The following TACC2 variants were observed in gnomAD, a reference collection of about 807,000 sequenced individuals.
TACC2 encodes transforming acidic coiled-coil-containing protein 2.
TACC2 carries 137 observed loss-of-function variants against 227.3 expected under a neutral mutation model. That is an observed-to-expected ratio of 0.60 (90% CI 0.52 to 0.69). The LOEUF is 0.69. TACC2 is among the 30% of genes least tolerant of loss of function. The pLI is 0.00. For missense variants in TACC2, 3,470 were observed against 3,694.4 expected (o/e 0.94, Z 1.57); for synonymous variants, 1,523 against 1,487.5 (o/e 1.02, Z -0.55).
chr10:122,021,242 C>CG lies in TACC2; in HGVS notation c.-45-688dup, dbSNP rs201350055. Among the ~76,000 whole-genome samples, 49 of 148,546 alleles carry CG rather than the reference C, an allele frequency of 3.3e-4. No individual in the cohort carries two copies. The East Asian group carries it at 7.6e-3, about 23-fold the overall frequency. On this transcript the variant is annotated intron_variant, in intron 1 of 22. Transcript: ENST00000369005. ...AGACTCCATCTCGAAAAAAAAAAGG[C>CG]GGGGGGGAAGAAAGATCATTAATAA...
At position 122,219,148 on chromosome 10, in the gene TACC2, C is replaced by G. The variant is rs375014294; in HGVS notation, c.7546+2320C>G. Among the ~76,000 whole-genome samples, 6 of 152,212 alleles carry G rather than the reference C, an allele frequency of 3.9e-5. No homozygotes were observed. The South Asian group carries it at 8.3e-4, about 21-fold the overall frequency. On this transcript the variant is annotated intron_variant, in intron 11 of 22. Transcript: ENST00000369005. ...TGCATCCGAGGCAGGAGCCTGTTCC[C>G]GGAACACCCCTCACTCAGCTGCCTC... is the stretch of plus-strand genomic sequence containing the variant.
At chr10:122,064,025 G>C (rs11200374) in intron 3 of TACC2, among the ~76,000 whole-genome samples, 14,382 of 151,912 alleles carry the variant, frequency 0.095, 885 homozygotes, top group Admixed American at 0.19. Context: ...AGCCGGGCGC[G>C]GTGGTGTATG....
chr10:122,231,453 C>G (rs1285968438), intron 16 of TACC2, among the ~76,000 whole-genome samples: 1 of 152,216 alleles, frequency 6.6e-6, no homozygotes, highest in Non-Finnish European at 1.5e-5. Flanking sequence ...GTGAGGATGA[C>G]AGATGTCTGG....
chr10:122,113,999 C>T (rs1028290568), intron 5 of TACC2, among the ~76,000 whole-genome samples: 1 of 152,260 alleles, frequency 6.6e-6, no homozygotes, highest in South Asian at 2.1e-4. Context: ...ATGGCTTCAT[C>T]ATCATCACTG....
rs748484837 is a variant in TACC2 at position 122,229,493 on chromosome 10, A to G, written c.8037+7A>G. 1.2e-6 allele frequency: 2 copies of G among 1,614,046 alleles called. No homozygotes were observed. Among genetic ancestry groups the G allele is most frequent in the East Asian group, 4.5e-5 (2 of 44,854 alleles). ...ATTCGCTCAGAAACTCCAGGTTTGT[A>G]GCCCACGTGTGACCTTTTGGGAGTT... On this transcript the variant is annotated splice_region_variant and intron_variant, in intron 15 of 22. Coordinates refer to ENST00000369005, the MANE Select transcript of TACC2 (RefSeq NM_206862.4).
intron 14 of TACC2, 56 bp from the exon 15 acceptor site, chr10:122,229,290 T>A (rs909130676): frequency 1.5e-4 from 246 of 1,603,308 alleles, no homozygotes; most frequent in Non-Finnish European, 2.0e-4. Context: ...GGAATCAATA[T>A]CACTCTCTGT....
Position 122,130,696 on chromosome 10 carries a change from A to G in TACC2, c.5574-1913A>G, listed in dbSNP as rs572394363. 1.2e-4 allele frequency among the ~76,000 whole-genome samples: 18 copies of G among 152,264 alleles called. No homozygotes were observed. The South Asian group carries it at 1.9e-3, about 16-fold the overall frequency. On this transcript the variant is annotated intron_variant, in intron 5 of 22. Coordinates refer to ENST00000369005, the MANE Select transcript of TACC2 (RefSeq NM_206862.4). ...GGTTCTGCCACTTAGCTGCTGTTCA[A>G]CCTTCGACAAGCTGCTCAGCCTCTC...
intron 5 of TACC2, among the ~76,000 whole-genome samples, chr10:122,115,211 G>A (rs1454796207): frequency 6.6e-6 from 1 of 152,224 alleles, no homozygotes; most frequent in Admixed American, 6.5e-5. Flanking sequence ...CAGAGCCTGG[G>A]AGGTAGATGG....
Position 122,226,451 on chromosome 10 carries a change from G to T in TACC2, c.7694G>T (p.Arg2565Leu), listed in dbSNP as rs115880388. The T allele has an allele frequency of 5.6e-6, 9 of 1,613,710 alleles. No individual in the cohort carries two copies. Among genetic ancestry groups the T allele is most frequent in the Admixed American group, 5.0e-5 (3 of 59,974 alleles). ...AGCCCTGTCAAGTCATCTCCCGTCCGCATGTCAGAGTCCCCGACGCCGTGT... is the reference window on the plus strand; with the variant it reads ...AGCCCTGTCAAGTCATCTCCCGTCCTCATGTCAGAGTCCCCGACGCCGTGT... ...QESPVKSSPV[R>L]MSESPTPCSG... Residue 2565 changes from arginine (R) to leucine (L), a missense_variant, in exon 13 of 23, where the codon CGC becomes CTC. Arg to Leu is a moderately radical substitution (Grantham distance 102, BLOSUM62 -2). Coordinates refer to ENST00000369005, the MANE Select transcript of TACC2 (RefSeq NM_206862.4).
intron 5 of TACC2, among the ~76,000 whole-genome samples, chr10:122,126,526 T>C (rs2086911576): frequency 6.6e-6 from 1 of 152,150 alleles, no homozygotes; most frequent in Non-Finnish European, 1.5e-5. Flanking sequence ...AGCCCTGCCC[T>C]GAGGGATCTC....
chr10:122,085,742 C>T lies in TACC2; in HGVS notation c.3242C>T (p.Ala1081Val). ...TPTQDAPETE[A>V]CDETQEGRQQ... ...ACCCAGGATGCCCCAGAGACAGAGG[C>T]ATGTGATGAAACCCAGGAAGGCAGG... Residue 1081 changes from alanine to valine, a missense_variant, in exon 4 of 23, where the codon GCA (alanine) becomes GTA (valine). Ala to Val is a moderately conservative substitution (Grantham distance 64). Around this residue, in one of 10 missense-constraint regions of TACC2, gnomAD observed 1,924 missense variants for 1,978.3 expected, o/e 0.97. Transcript: ENST00000369005. 1.2e-6 allele frequency: 2 copies of T among 1,613,884 alleles called. No individual in the cohort carries two copies. Among genetic ancestry groups the T allele is most frequent in the Non-Finnish European group, 1.7e-6 (2 of 1,180,024 alleles).
chr10:122,138,093 AT>A (rs944419092), intron 6 of TACC2, among the ~76,000 whole-genome samples: 55 of 144,442 alleles, frequency 3.8e-4, no homozygotes, highest in Middle Eastern at 3.6e-3. Context: ...CATGTAGTTT[AT>A]TTTTTTTTTT....
intron 2 of TACC2, among the ~76,000 whole-genome samples, chr10:122,044,438 T>C (rs1345945826): frequency 2.0e-5 from 3 of 152,220 alleles, no homozygotes; most frequent in Non-Finnish European, 4.4e-5. Flanking sequence ...TCCTCCATAT[T>C]TGGTCAGCCT....
intron 19 of TACC2, among the ~76,000 whole-genome samples, chr10:122,244,016 G>T (rs183337031): frequency 3.9e-5 from 6 of 152,328 alleles, no homozygotes; most frequent in Admixed American, 3.9e-4. Context: ...ATGACAGAAA[G>T]ATTACTCCCA....
At chr10:122,022,919 A>G (rs1248614012) in intron 2 of TACC2, 3 of 152,260 alleles carry the variant, frequency 2.0e-5, no homozygotes, top group African/African-American at 7.2e-5. Context: ...AAAATCAGGA[A>G]GACACTTTCT....
rs758992994 is a variant in TACC2 at position 122,083,332 on chromosome 10, C to T, written c.832C>T (p.Pro278Ser). The change falls in exon 4 of 23, where the codon CCA becomes TCA. Residue 278 changes from proline to serine, a missense_variant. Physicochemically the swap from Pro to Ser is moderately conservative, Grantham distance 74. Coordinates refer to ENST00000369005, the MANE Select transcript of TACC2 (RefSeq NM_206862.4). The stretch of plus-strand genomic sequence containing the variant: ...CCCCCTAAAACCCATGGCCCCGATC[C>T]CACAAGATCCAGCCCCAAGAGCCTC... ...KSPLKPMAPI[P>S]QDPAPRASDR... is the part of the protein sequence containing the mutation. The T allele has an allele frequency of 1.8e-5, 29 of 1,613,870 alleles. No homozygotes were observed. In the South Asian group the frequency reaches 3.0e-4, roughly 16 times the overall value.
At chr10:122,133,447 A>G (rs1398472624) in intron 6 of TACC2, among the ~76,000 whole-genome samples, 1 of 152,214 alleles carries the variant, frequency 6.6e-6, no homozygotes, top group African/African-American at 2.4e-5. Context: ...ATATAGGCAC[A>G]CATGGACATG....
intron 7 of TACC2, among the ~76,000 whole-genome samples, chr10:122,160,948 G>C (rs569769798): frequency 6.6e-6 from 1 of 152,060 alleles, no homozygotes; most frequent in East Asian, 1.9e-4. Context: ...TTCTCTCCTG[G>C]TTCTTTTTTT....
chr10:122,129,772 T>A (rs1221554093), intron 5 of TACC2, among the ~76,000 whole-genome samples: 4 of 152,200 alleles, frequency 2.6e-5, no homozygotes, highest in Admixed American at 6.5e-5. Flanking sequence ...AGTGATCTCT[T>A]TCTCTGACTC....
Sources: gnomAD v4.1 joint callset for allele counts (sites outside exome capture counted in the v4.1 genomes callset) on GRCh38, gnomAD v4.1.1 for gene constraint, gnomAD v4.1.1 regional missense constraint, MANE v1.5 for transcripts, NCBI Gene and HGNC (gene_info 2026-07-23, HGNC 2026-07-21) for gene names.